The following RASSF3 variants were observed in gnomAD, a reference collection of about 807,000 sequenced individuals.
RASSF3 encodes Ras association domain family member 3, also known as ras association domain-containing protein 3.
Under a neutral mutation model 19.9 loss-of-function variants are expected in RASSF3, and 19 were observed. The observed-to-expected ratio is 0.96, with a 90% confidence interval of 0.67 to 1.40. RASSF3 has a LOEUF of 1.40. Ranked by LOEUF, RASSF3 falls within the 40% of genes most tolerant of loss-of-function variation. The probability of loss-of-function intolerance (pLI) is 0.00; values close to 1 mark genes in which losing one functional copy is unlikely to be tolerated. For synonymous variants in RASSF3, 110 were observed against 104.2 expected, an observed-to-expected ratio of 1.06 and a Z score of -0.34; for missense variants, 306 against 289.8, an observed-to-expected ratio of 1.06 and a Z score of -0.41.
chr12:64,547,836 G>A (rs982258512), intron 2 of RASSF3, among the ~76,000 whole-genome samples: 2 of 152,084 alleles, frequency 1.3e-5, no homozygotes, highest in East Asian at 3.9e-4. Context: ...TAAAAACAAT[G>A]CATGATTATT....
At chr12:64,655,151 A>C (rs1872110326) in intron 1 of RASSF3, 1 of 152,242 alleles carries the variant, frequency 6.6e-6, no homozygotes, top group African/African-American at 2.4e-5. Flanking sequence ...GATCTGTAGA[A>C]GTTTTAAATC....
In RASSF3 at chr12:64,665,681, GC is replaced by G. The variant is rs139570821; in HGVS notation, c.112-19103del. Among the ~76,000 whole-genome samples the G allele has an allele frequency of 2.9e-3, 448 of 152,218 alleles. 1 individual carries two copies. The highest frequency in any genetic ancestry group is 0.01 in the African/African-American group (427 of 41,510). On this transcript the variant is annotated intron_variant, in intron 1 of 4. Coordinates refer to ENST00000542104, the MANE Select transcript of RASSF3 (RefSeq NM_178169.4). ...TTTTCTAGAGGTTTCTGATTAACCTGCCCTCTTAATTTGCATGTAATTAAAA... is the reference window on the plus strand; with the variant it reads ...TTTTCTAGAGGTTTCTGATTAACCTGCCTCTTAATTTGCATGTAATTAAAA...
At chr12:64,528,701 T>C, upstream of RASSF3, among the ~76,000 whole-genome samples, 1 of 152,236 alleles carries the variant, frequency 6.6e-6, no homozygotes, top group Non-Finnish European at 1.5e-5. Context: ...TCACCTCATT[T>C]CACCCCTTCC....
At chr12:64,665,025 T>C (rs1872500988) in intron 1 of RASSF3, among the ~76,000 whole-genome samples, 1 of 152,224 alleles carries the variant, frequency 6.6e-6, no homozygotes, top group South Asian at 2.1e-4. Context: ...ATTAGAATTG[T>C]ACCCTTCCAC....
At chr12:64,637,771 A>G (rs975144702) in intron 1 of RASSF3, among the ~76,000 whole-genome samples, 4 of 151,304 alleles carry the variant, frequency 2.6e-5, no homozygotes, top group African/African-American at 9.7e-5. Context: ...AAGTGTGTGT[A>G]TGTGACTGGG....
intron 2 of RASSF3, among the ~76,000 whole-genome samples, chr12:64,568,835 A>G (rs1869473972): frequency 6.6e-6 from 1 of 151,930 alleles, no homozygotes; most frequent in East Asian, 1.9e-4. Context: ...TCAGCCTCCC[A>G]AGTAACAGAG....
intron 1 of RASSF3, among the ~76,000 whole-genome samples, chr12:64,615,758 C>T (rs1870534117): frequency 1.3e-5 from 2 of 150,374 alleles, no homozygotes; most frequent in South Asian, 2.1e-4. Context: ...TCTGCAACAT[C>T]TGCCTCCTGG....
intron 2 of RASSF3, among the ~76,000 whole-genome samples, chr12:64,589,804 A>G (rs1284004482): frequency 6.6e-6 from 1 of 151,602 alleles, no homozygotes; most frequent in Non-Finnish European, 1.5e-5. Context: ...GGAGTTTGAG[A>G]CCAGCCTGGC....
chr12:64,678,476 T>C (rs1872986601), intron 1 of RASSF3, among the ~76,000 whole-genome samples: 1 of 152,178 alleles, frequency 6.6e-6, no homozygotes, highest in South Asian at 2.1e-4. Flanking sequence ...TGGGACCTCC[T>C]AGTGGCAGTG....
rs1036314944 is a variant in RASSF3, at chr12:64,656,084, G to A, written c.112-28703G>A. 4.0e-5 allele frequency among the ~76,000 whole-genome samples: 6 copies of A among 151,662 alleles called. No homozygotes were observed. In the East Asian group the frequency reaches 9.7e-4, roughly 24 times the overall value. On this transcript the variant is annotated intron_variant, in intron 1 of 4. Coordinates refer to ENST00000542104, the MANE Select transcript of RASSF3 (RefSeq NM_178169.4). ...TTTATTCCCCTAACTTGGATCTCAG[G>A]TTAATTGGGATATGCCTAATAACAA...
chr12:64,681,099 G>C (rs781272852), intron 1 of RASSF3, among the ~76,000 whole-genome samples: 1 of 152,178 alleles, frequency 6.6e-6, no homozygotes, highest in Non-Finnish European at 1.5e-5. Context: ...CCCATAGCAT[G>C]AGCAAAACCT....
chr12:64,659,019 A>G (rs1592450944), intron 1 of RASSF3, among the ~76,000 whole-genome samples: 1 of 152,196 alleles, frequency 6.6e-6, no homozygotes, highest in African/African-American at 2.4e-5. Context: ...GCTGCAGTGA[A>G]CCATGATTGT....
intron 4 of RASSF3, among the ~76,000 whole-genome samples, chr12:64,693,447 C>G (rs947187302): frequency 2.0e-5 from 3 of 150,400 alleles, no homozygotes; most frequent in African/African-American, 7.4e-5. Flanking sequence ...GAGACTAGGT[C>G]TTGCACTGTC....
At chr12:64,592,391 T>G (rs958777817) in intron 2 of RASSF3, among the ~76,000 whole-genome samples, 3 of 152,188 alleles carry the variant, frequency 2.0e-5, no homozygotes, top group Admixed American at 6.6e-5. Context: ...ATATTTAGGT[T>G]GTTTCCTTTT....
intron 1 of RASSF3, among the ~76,000 whole-genome samples, chr12:64,624,998 A>G (rs113016218): frequency 3.7e-4 from 56 of 152,132 alleles, no homozygotes; most frequent in African/African-American, 1.3e-3. Context: ...ATCCTCCTAC[A>G]TGTGATTATA....
At chr12:64,624,149 A>C (rs935361480) in intron 1 of RASSF3, among the ~76,000 whole-genome samples, 1 of 151,974 alleles carries the variant, frequency 6.6e-6, no homozygotes, top group Non-Finnish European at 1.5e-5. Flanking sequence ...CGGAACGAGT[A>C]CGTTTCATAA....
chr12:64,567,972 C>T (rs115975296), intron 2 of RASSF3, among the ~76,000 whole-genome samples: 582 of 152,336 alleles, frequency 3.8e-3, no homozygotes, highest in African/African-American at 0.012. Flanking sequence ...TCTTTCTCCT[C>T]ACATCCTGAG....
intron 1 of RASSF3, among the ~76,000 whole-genome samples, chr12:64,674,643 A>T (rs1443044366): frequency 6.6e-6 from 1 of 152,214 alleles, no homozygotes; most frequent in Non-Finnish European, 1.5e-5. Context: ...CACAGGAAAC[A>T]ACAAGGCATA....
intron 1 of RASSF3, among the ~76,000 whole-genome samples, chr12:64,517,035 A>G (rs563948321): frequency 1.3e-5 from 2 of 151,710 alleles, no homozygotes; most frequent in East Asian, 3.9e-4. Flanking sequence ...AGAGAAAGAA[A>G]AGAAGGAATC....
Sources: allele counts gnomAD v4.1 joint callset (sites outside exome capture counted in the v4.1 genomes callset), GRCh38; gene constraint gnomAD v4.1.1; transcripts MANE v1.5; gene names NCBI Gene and HGNC (gene_info 2026-07-23, HGNC 2026-07-21).